SPATA13: variants seen among roughly 807,000 people sequenced by gnomAD.
SPATA13 encodes spermatogenesis-associated protein 13.
Under a neutral mutation model 104.0 loss-of-function variants are expected in SPATA13, and 50 were observed. The observed-to-expected ratio is 0.48, with a 90% CI of 0.38 to 0.61. The LOEUF (loss-of-function observed/expected upper bound fraction) is 0.61, where lower values mean the gene tolerates loss of function less well. Among genes scored for constraint, SPATA13 ranks in the 20% least tolerant of loss-of-function variants. The pLI is 0.00. For synonymous variants in SPATA13, 606 were observed against 667.5 expected (o/e 0.91, Z 1.42); for missense variants, 1,524 against 1,690.6 (o/e 0.90, Z 1.73).
intron 4 of SPATA13, chr13:24,271,021 A>ACTCTCTCTCTCTCTCTCTCTCACT (rs35776484): frequency 3.3e-6 from 2 of 607,380 alleles, no homozygotes; most frequent in Non-Finnish European, 5.8e-6. Flanking sequence ...ACTCTCTCTC[A>ACTCTCTCTCTCTCTCTCTCTCACT]CTCTCTCTCT....
At chr13:24,263,936 A>T (rs975803007) in intron 4 of SPATA13, among the ~76,000 whole-genome samples, 3 of 152,232 alleles carry the variant, frequency 2.0e-5, no homozygotes, top group African/African-American at 7.2e-5. Flanking sequence ...TTTAGAAATT[A>T]TGAAAGGCTT....
At chr13:24,087,180 C>T (rs1056078775) in intron 3 of SPATA13, among the ~76,000 whole-genome samples, 1 of 152,104 alleles carries the variant, frequency 6.6e-6, no homozygotes, top group South Asian at 2.1e-4. Flanking sequence ...TGTCACCACT[C>T]CCAGAGCCTG....
At chr13:24,289,467 A>G (rs971994597) in intron 8 of SPATA13, among the ~76,000 whole-genome samples, 1 of 152,232 alleles carries the variant, frequency 6.6e-6, no homozygotes, top group Non-Finnish European at 1.5e-5. Flanking sequence ...GGGTTATGCC[A>G]TAAGAACTAT....
At chr13:24,052,380 CAAG>C (rs1005926132) in intron 3 of SPATA13, among the ~76,000 whole-genome samples, 5 of 151,898 alleles carry the variant, frequency 3.3e-5, no homozygotes, top group African/African-American at 7.2e-5. Flanking sequence ...TCGCTACAAA[CAAG>C]AACAACAACA....
chr13:24,251,609 C>A, intron 3 of SPATA13, 109 bp from the exon 4 acceptor site: 1 of 1,524,866 alleles, frequency 6.6e-7, no homozygotes, highest in Non-Finnish European at 8.8e-7. Flanking sequence ...TTGGAGAAAC[C>A]ATTTCACGTC....
intron 3 of SPATA13, chr13:24,123,136 T>A: frequency 2.8e-6 from 3 of 1,075,072 alleles, no homozygotes; most frequent in Non-Finnish European, 2.9e-6. Flanking sequence ...AGGTCATCAT[T>A]TTCTGTTTCT....
chr13:24,018,103 G>C (rs1317020860), intron 3 of SPATA13, among the ~76,000 whole-genome samples: 4 of 152,154 alleles, frequency 2.6e-5, no homozygotes, highest in Non-Finnish European at 5.9e-5. Flanking sequence ...CCAATCACGA[G>C]TCTTACATTT....
chr13:24,039,304 T>G lies in SPATA13; in HGVS notation c.-112+21603T>G, dbSNP rs1349982803. ...CCAGCTACTACTCAATTTACCAACC[T>G]GGTGTTGACAGCTCTACCTTGCAGA... On this transcript the variant is annotated intron_variant, in intron 3 of 14. Transcript: ENST00000424834. Among the ~76,000 whole-genome samples the G allele has an allele frequency of 6.6e-5, 10 of 152,316 alleles. No homozygotes were observed. In the East Asian group the frequency reaches 1.7e-3, roughly 26 times the overall value.
chr13:24,295,878 A>G (rs1876745750), intron 10 of SPATA13, among the ~76,000 whole-genome samples: 1 of 152,162 alleles, frequency 6.6e-6, no homozygotes, highest in African/African-American at 2.4e-5. Flanking sequence ...GAAAGGTTAA[A>G]TAACTTGCCC....
Position 24,290,735 on chromosome 13 carries a change from C to T in SPATA13, c.2931C>T (p.Gly977=). The change falls in exon 9 of 13, where the codon GGC becomes GGT. Residue 977 remains glycine, a synonymous_variant. Transcript: ENST00000382108. The part of the protein sequence containing the change: ...CLELANLMKQ[G]KYRHFFEACR... ...AGCTCGCCAACCTCATGAAGCAGGG[C>T]AAGTACAGACATTTCTTTGAAGCCT... is the stretch of plus-strand genomic sequence containing the variant. The T allele has an allele frequency of 1.2e-6, 2 of 1,614,226 alleles. No homozygotes were observed. The highest frequency in any genetic ancestry group is 1.7e-6 in the Non-Finnish European group (2 of 1,180,040).
intron 1 of SPATA13, among the ~76,000 whole-genome samples, chr13:24,180,327 C>G (rs1183018540): frequency 6.6e-6 from 1 of 152,112 alleles, no homozygotes; most frequent in East Asian, 1.9e-4. Context: ...ATTTCTGAAC[C>G]TTTAGTTCTA....
chr13:24,097,191 G>A (rs980321346), intron 3 of SPATA13, among the ~76,000 whole-genome samples: 8 of 152,138 alleles, frequency 5.3e-5, no homozygotes, highest in African/African-American at 1.9e-4. Context: ...GGGTGTGTGA[G>A]GTATTTAATA....
intron 4 of SPATA13, among the ~76,000 whole-genome samples, chr13:24,264,853 A>G (rs1451986542): frequency 2.0e-5 from 3 of 152,222 alleles, no homozygotes; most frequent in Non-Finnish European, 4.4e-5. Flanking sequence ...GGACAATTTT[A>G]TATTTATTTC....
At chr13:24,092,814 C>A (rs1879950367) in intron 3 of SPATA13, among the ~76,000 whole-genome samples, 1 of 152,162 alleles carries the variant, frequency 6.6e-6, no homozygotes, top group Admixed American at 6.5e-5. Flanking sequence ...GTATGTGGAG[C>A]TTTTATACTC....
intron 3 of SPATA13, among the ~76,000 whole-genome samples, chr13:24,082,272 G>A (rs1879546781): frequency 6.6e-6 from 1 of 152,246 alleles, no homozygotes; most frequent in African/African-American, 2.4e-5. Flanking sequence ...AGTGTTCTGT[G>A]GCAGGGGCAG....
In SPATA13 at chr13:24,122,939, A is replaced by T. The variant is rs548517546; in HGVS notation, c.-111-99880A>T. 3 of 780,806 alleles carry T rather than the reference A, an allele frequency of 3.8e-6. 1 individual carries two copies. The highest frequency in any genetic ancestry group is 7.1e-6 in the Non-Finnish European group (3 of 421,808). The allele number at this position is 780,806 out of a possible 1,614,324, so 48.4% of individuals were successfully genotyped here. On this transcript the variant is annotated intron_variant, in intron 3 of 14. Transcript: ENST00000424834. Reference sequence around the variant, plus strand: ...TTATCTCTTAATGATCTTCAGCTACACTAAGAAGCGTGTCAGGTGTATTCA... The same window carrying T: ...TTATCTCTTAATGATCTTCAGCTACTCTAAGAAGCGTGTCAGGTGTATTCA...
chr13:24,044,219 G>GTT (rs1878043291), intron 3 of SPATA13, among the ~76,000 whole-genome samples: 1 of 141,900 alleles, frequency 7.0e-6, no homozygotes, highest in Non-Finnish European at 1.5e-5. Flanking sequence ...GATTTAATTT[G>GTT]TTTTTCTTTC....
intron 4 of SPATA13, among the ~76,000 whole-genome samples, chr13:24,263,342 A>G (rs1317191186): frequency 6.6e-6 from 1 of 152,212 alleles, no homozygotes; most frequent in Non-Finnish European, 1.5e-5. Flanking sequence ...TTGGTGATGG[A>G]GCACTTGGAT....
chr13:24,226,421 GA>G (rs1166242818), intron 2 of SPATA13, among the ~76,000 whole-genome samples: 1 of 152,186 alleles, frequency 6.6e-6, no homozygotes, highest in Non-Finnish European at 1.5e-5. Context: ...ACTTATTTTA[GA>G]GTAGATCATA....
Sources: gnomAD v4.1 joint callset for allele counts (sites outside exome capture counted in the v4.1 genomes callset) on GRCh38, gnomAD v4.1.1 for gene constraint, MANE v1.5 for transcripts, NCBI Gene and HGNC (gene_info 2026-07-23, HGNC 2026-07-21) for gene names.